Variants in BARD1 observed in about 807,000 individuals in gnomAD.
The protein encoded by BARD1 is BRCA1-associated RING domain protein 1.
In BARD1, 73 loss-of-function variants were observed where a neutral mutation model predicts 77.0. The observed-to-expected ratio is 0.95, with a 90% confidence interval of 0.79 to 1.15. The LOEUF is 1.15. BARD1 is among the 50% of genes most tolerant of loss of function. The pLI is 0.00. For synonymous variants in BARD1, 384 were observed against 338.0 expected (o/e 1.14, Z -1.49); for missense variants, 993 against 938.8 (o/e 1.06, Z -0.75).
intron 6 of BARD1, among the ~76,000 whole-genome samples, chr2:214,760,785 T>TC (rs1375091142): frequency 6.6e-6 from 1 of 151,600 alleles, no homozygotes; most frequent in East Asian, 1.9e-4. Context: ...TTTTCTTTTT[T>TC]TTTTTTTTAG....
Position 214,745,838 on chromosome 2 carries a change from C to A in BARD1, c.1694G>T (p.Arg565Leu), listed in dbSNP as rs146946984. The A allele has an allele frequency of 1.2e-6, 2 of 1,614,046 alleles. No homozygotes were observed. The highest frequency in any genetic ancestry group is 1.1e-5 in the South Asian group (1 of 91,078). The change falls in exon 8 of 11, where the codon CGT becomes CTT. Residue 565 changes from arginine (R) to leucine (L), a missense_variant. Transcript: ENST00000260947. ...SHCSVMNTGQ[R>L]RDGPLVLIGS... ...TATAAGTACAAGAGGTCCATCCCTA[C>A]GCTGCCCAGTGTTCATCTGTTAATA...
intron 9 of BARD1, among the ~76,000 whole-genome samples, chr2:214,733,264 T>A (rs370206196): frequency 6.6e-6 from 1 of 152,220 alleles, no homozygotes; most frequent in Non-Finnish European, 1.5e-5. Context: ...TTCAATTTTG[T>A]TTTGGATTTT....
intron 3 of BARD1, among the ~76,000 whole-genome samples, chr2:214,783,389 A>G (rs1695129545): frequency 6.6e-6 from 1 of 152,212 alleles, no homozygotes; most frequent in African/African-American, 2.4e-5. Flanking sequence ...GCCATAAAAA[A>G]GAATGACTTC....
chr2:214,792,146 TA>T, intron 3 of BARD1, 150 bp downstream of exon 3: 1 of 771,626 alleles, frequency 1.3e-6, no homozygotes, highest in Non-Finnish European at 2.0e-6. Context: ...ACTCAATGGC[TA>T]TTTAAAAAAA....
At chr2:214,747,502 T>C (rs1410076108) in intron 7 of BARD1, among the ~76,000 whole-genome samples, 1 of 151,414 alleles carries the variant, frequency 6.6e-6, no homozygotes, top group Non-Finnish European at 1.5e-5. Context: ...GTGGCACATA[T>C]ATACCATGGA....
At chr2:214,808,134 G>T (rs906988931) in intron 1 of BARD1, among the ~76,000 whole-genome samples, 1 of 152,218 alleles carries the variant, frequency 6.6e-6, no homozygotes, top group African/African-American at 2.4e-5. Flanking sequence ...GTTTGGCCGG[G>T]CACCGTGGCT....
chr2:214,809,000 G>T (rs1343518666), intron 1 of BARD1, among the ~76,000 whole-genome samples: 1 of 152,224 alleles, frequency 6.6e-6, no homozygotes, highest in African/African-American at 2.4e-5. Context: ...CTCCGGGGCG[G>T]CCCGCCAGCC....
chr2:214,805,129 C>G (rs764845398), intron 1 of BARD1, among the ~76,000 whole-genome samples: 2 of 152,214 alleles, frequency 1.3e-5, no homozygotes, highest in Admixed American at 6.5e-5. Context: ...CCACCGCACT[C>G]CAGCCTGGGT....
At chr2:214,736,591 T>C (rs1400455244) in intron 9 of BARD1, among the ~76,000 whole-genome samples, 1 of 152,130 alleles carries the variant, frequency 6.6e-6, no homozygotes, top group South Asian at 2.1e-4. Context: ...ATGGGTTTAT[T>C]TGACTGATTA....
chr2:214,746,003 A>G (rs1693099015), intron 7 of BARD1, 149 bp from the exon 8 acceptor site: 1 of 966,384 alleles, frequency 1.0e-6, no homozygotes, highest in South Asian at 1.5e-5. Context: ...TACACCCAGA[A>G]CCTTTTAAAT....
intron 2 of BARD1, among the ~76,000 whole-genome samples, chr2:214,795,344 G>A (rs535314730): frequency 2.9e-4 from 44 of 152,260 alleles, no homozygotes; most frequent in African/African-American, 9.9e-4. Context: ...GAGCTAAAAG[G>A]AGAAGTGCTG....
At chr2:214,760,867 C>T (rs891509189) in intron 6 of BARD1, among the ~76,000 whole-genome samples, 1 of 151,312 alleles carries the variant, frequency 6.6e-6, no homozygotes, top group Non-Finnish European at 1.5e-5. Context: ...CTCCGCCTCC[C>T]GGGTTCACAC....
intron 1 of BARD1, among the ~76,000 whole-genome samples, chr2:214,806,895 C>T (rs1366893974): frequency 9.7e-6 from 1 of 103,012 alleles, no homozygotes; most frequent in Non-Finnish European, 2.1e-5. Flanking sequence ...AAAAAAAAGG[C>T]ACCCCATGTG....
intron 1 of BARD1, among the ~76,000 whole-genome samples, chr2:214,807,721 A>C (rs2106166128): frequency 9.8e-6 from 1 of 102,064 alleles, no homozygotes; most frequent in Middle Eastern, 4.8e-3. Context: ...CATTAGTATT[A>C]CTCATATCCG....
rs1405646805 is a variant in BARD1, at chr2:214,767,563, G to C, written c.1487C>G (p.Ser496Ter). The part of the protein sequence containing the change: ...LVNTTGYQND[S>*]PLHDAAKNGH... ...ATTCTTGGCTGCATCGTGAAGTGGTGAGTCATTTTGATACCCGGTGGTGTT... is the reference window on the plus strand; with the variant it reads ...ATTCTTGGCTGCATCGTGAAGTGGTCAGTCATTTTGATACCCGGTGGTGTT... The change falls in exon 6 of 11, where the codon TCA becomes TGA. Residue 496 changes from serine (S) to a stop codon, truncating the protein, a stop_gained. Transcript: ENST00000260947. LOFTEE classifies it high-confidence loss of function. The C allele has an allele frequency of 6.2e-7, 1 of 1,614,046 alleles. No individual in the cohort carries two copies. Among genetic ancestry groups the C allele is most frequent in the Non-Finnish European group, 8.5e-7 (1 of 1,179,926 alleles).
Position 214,781,253 on chromosome 2 carries a change from T to C in BARD1, c.621A>G (p.Lys207=). Residue 207 remains lysine, a synonymous_variant, in exon 4 of 11, where the codon AAA becomes AAG. Coordinates refer to ENST00000260947, the MANE Select transcript of BARD1 (RefSeq NM_000465.4). ...GGTTGATTTCAGCTAAAGTTTTCTT[T>C]TTTTGCTTTTTTCCAGATCTTGCAG... ...KASARSGKKQ[K]KKTLAEINQK... is the part of the protein sequence containing the mutation. 1.9e-6 allele frequency: 3 copies of C among 1,595,256 alleles called. No individual in the cohort carries two copies. The highest frequency in any genetic ancestry group is 2.6e-6 in the Non-Finnish European group (3 of 1,175,482).
At chr2:214,748,267 C>T (rs1398949203) in intron 7 of BARD1, among the ~76,000 whole-genome samples, 1 of 152,084 alleles carries the variant, frequency 6.6e-6, no homozygotes, top group African/African-American at 2.4e-5. Flanking sequence ...AAGCAAACAG[C>T]TGCCAAAGCC....
chr2:214,742,322 C>T (rs1428595306), intron 9 of BARD1, among the ~76,000 whole-genome samples: 1 of 152,134 alleles, frequency 6.6e-6, no homozygotes. Flanking sequence ...AGTGACACCT[C>T]ATCTCTTAAA....
At chr2:214,773,346 A>T (rs527783759) in intron 4 of BARD1, among the ~76,000 whole-genome samples, 1 of 152,334 alleles carries the variant, frequency 6.6e-6, no homozygotes, top group Middle Eastern at 3.4e-3. Context: ...CCGACCAGGA[A>T]CCAAAGACTT....
Sources: allele counts gnomAD v4.1 joint callset (sites outside exome capture counted in the v4.1 genomes callset), GRCh38; gene constraint gnomAD v4.1.1; transcripts MANE v1.5; gene names NCBI Gene and HGNC (gene_info 2026-07-23, HGNC 2026-07-21).